ARHGAP6: variants seen among roughly 807,000 people sequenced by gnomAD.
The protein encoded by ARHGAP6 is Rho GTPase activating protein 6.
In ARHGAP6, 16 loss-of-function variants were observed where a neutral mutation model predicts 55.7. The observed-to-expected ratio is 0.29, with a 90% CI of 0.19 to 0.44. The LOEUF is 0.44. ARHGAP6 is among the 20% of genes least tolerant of loss of function. The probability of loss-of-function intolerance (pLI) is 1.00; values close to 1 mark genes in which losing one functional copy is unlikely to be tolerated. For missense variants in ARHGAP6, 698 were observed against 808.9 expected, an observed-to-expected ratio of 0.86 and a Z score of 1.66; for synonymous variants, 382 against 360.9, an observed-to-expected ratio of 1.06 and a Z score of -0.66.
Position 11,319,151 on chromosome X carries a change from T to C in ARHGAP6, c.589-64444A>G, listed in dbSNP as rs149540932. Among the ~76,000 whole-genome samples the C allele has an allele frequency of 6.8e-3, 765 of 112,043 alleles. 2 individuals are homozygous for C. Among genetic ancestry groups the C allele is most frequent in the Non-Finnish European group, 0.011 (597 of 53,303 alleles). On this transcript the variant is annotated intron_variant, in intron 1 of 12. Transcript: ENST00000337414. ...ATTTCTATATCTATATCTATATCTA[T>C]ATCTATGTCTATCTATATATCTCTC...
intron 1 of ARHGAP6, chrX:11,300,665 A>T: frequency 9.0e-7 from 1 of 1,108,712 alleles, no homozygotes; most frequent in Admixed American, 2.2e-5. Context: ...CAGGAGTGAC[A>T]CAAGAACACA....
intron 1 of ARHGAP6, among the ~76,000 whole-genome samples, chrX:11,592,261 C>T (rs2051844322): frequency 8.9e-6 from 1 of 112,077 alleles, no homozygotes; most frequent in Non-Finnish European, 1.9e-5. Context: ...AAACATACAA[C>T]ACACAACACC....
chrX:11,450,985 G>GT (rs1335338531), intron 1 of ARHGAP6, among the ~76,000 whole-genome samples: 2 of 111,571 alleles, frequency 1.8e-5, no homozygotes, highest in Non-Finnish European at 3.8e-5. Context: ...CAAGAGGGCT[G>GT]TTAATATGAG....
chrX:11,591,509 C>T (rs2051834515), intron 1 of ARHGAP6, among the ~76,000 whole-genome samples: 1 of 110,264 alleles, frequency 9.1e-6, no homozygotes, highest in African/African-American at 3.3e-5. Context: ...ATAAAAAGTG[C>T]TCAATCCATA....
intron 1 of ARHGAP6, among the ~76,000 whole-genome samples, chrX:11,453,085 T>C (rs752487044): frequency 9.3e-6 from 1 of 107,732 alleles, no homozygotes; most frequent in South Asian, 4.0e-4. Flanking sequence ...CAGAAATAAT[T>C]AGCTACACTT....
chrX:11,253,639 C>T (rs909724128), intron 2 of ARHGAP6, among the ~76,000 whole-genome samples: 11 of 111,999 alleles, frequency 9.8e-5, no homozygotes, highest in South Asian at 3.7e-4. Flanking sequence ...CAGTGGCTCA[C>T]GCCTGTAATC....
At chrX:11,236,718 T>C (rs1436537089) in intron 2 of ARHGAP6, among the ~76,000 whole-genome samples, 1 of 112,555 alleles carries the variant, frequency 8.9e-6, no homozygotes, top group Admixed American at 9.4e-5. Context: ...CATTTTACAA[T>C]TGAGAGAACT....
At chrX:11,240,238 C>T (rs1474367586) in intron 2 of ARHGAP6, among the ~76,000 whole-genome samples, 3 of 112,311 alleles carry the variant, frequency 2.7e-5, no homozygotes, top group African/African-American at 9.7e-5. Flanking sequence ...ATTGCCACCC[C>T]GAGTGGAATG....
chrX:11,588,765 G>A (rs2051767039), intron 1 of ARHGAP6, among the ~76,000 whole-genome samples: 1 of 111,680 alleles, frequency 9.0e-6, no homozygotes. Context: ...GGGCTGAGGA[G>A]GAGAACGGAA....
chrX:11,437,224 G>C (rs957972927), intron 1 of ARHGAP6, among the ~76,000 whole-genome samples: 8 of 112,062 alleles, frequency 7.1e-5, no homozygotes, highest in Non-Finnish European at 1.5e-4. Context: ...AGCCAGAGAG[G>C]CTGCACTATG....
intron 1 of ARHGAP6, among the ~76,000 whole-genome samples, chrX:11,410,804 T>G (rs752754707): frequency 2.7e-5 from 3 of 110,867 alleles, no homozygotes; most frequent in Non-Finnish European, 5.7e-5. Flanking sequence ...TACTGATTGC[T>G]ATGAGACTAA....
At chrX:11,396,604 C>A (rs1185746455) in intron 1 of ARHGAP6, among the ~76,000 whole-genome samples, 2 of 111,706 alleles carry the variant, frequency 1.8e-5, no homozygotes, top group Non-Finnish European at 3.8e-5. Context: ...AGGTACCAGT[C>A]CAATTCTGAC....
At chrX:11,205,948 TTAGA>T (rs1264501796) in intron 2 of ARHGAP6, among the ~76,000 whole-genome samples, 41 of 112,286 alleles carry the variant, frequency 3.7e-4, no homozygotes, top group African/African-American at 1.3e-3. Flanking sequence ...TTGACAGCTA[TTAGA>T]TAGACGAATA....
intron 1 of ARHGAP6, among the ~76,000 whole-genome samples, chrX:11,283,369 T>G (rs2047882940): frequency 1.8e-5 from 2 of 111,782 alleles, no homozygotes; most frequent in Non-Finnish European, 3.8e-5. Context: ...TGCAGGAAGA[T>G]TTCTGAATTG....
At chrX:11,351,839 G>A (rs2048867060) in intron 1 of ARHGAP6, among the ~76,000 whole-genome samples, 1 of 111,658 alleles carries the variant, frequency 9.0e-6, no homozygotes. Flanking sequence ...AATTCCTACC[G>A]AGGCCCAAAC....
intron 1 of ARHGAP6, among the ~76,000 whole-genome samples, chrX:11,591,333 C>T (rs10482315): frequency 0.21 from 22,647 of 108,378 alleles, 1,847 homozygotes; most frequent in Middle Eastern, 0.33. Flanking sequence ...TTTTTAACAA[C>T]AGCCTTAAAT....
chrX:11,642,459 C>T, intron 1 of ARHGAP6, among the ~76,000 whole-genome samples: 1 of 111,825 alleles, frequency 8.9e-6, no homozygotes, highest in Middle Eastern at 4.6e-3. Flanking sequence ...GAACTGAAAA[C>T]ATGTATCTAC....
At chrX:11,296,864 G>A (rs1007196321) in intron 1 of ARHGAP6, 16 of 1,175,182 alleles carry the variant, frequency 1.4e-5, no homozygotes, top group East Asian at 1.2e-4. Flanking sequence ...CATTGTTTGC[G>A]TTAACAATGC....
At chrX:11,148,958 G>T (rs1242957170) in intron 10 of ARHGAP6, among the ~76,000 whole-genome samples, 1 of 112,368 alleles carries the variant, frequency 8.9e-6, no homozygotes, top group African/African-American at 3.2e-5. Context: ...TTGGAATCAT[G>T]AAGAATGTGC....
Sources: gnomAD v4.1 joint callset for allele counts (sites outside exome capture counted in the v4.1 genomes callset) on GRCh38, gnomAD v4.1.1 for gene constraint, MANE v1.5 for transcripts, NCBI Gene and HGNC (gene_info 2026-07-23, HGNC 2026-07-21) for gene names.